PDZD2: variants seen among roughly 807,000 people sequenced by gnomAD.
PDZD2 encodes the protein PDZ domain containing 2.
In PDZD2, 90 loss-of-function variants were observed where a neutral mutation model predicts 220.7. The ratio of observed to expected loss-of-function variants is 0.41; its 90% confidence interval spans 0.34 to 0.49. The LOEUF is 0.49. Among genes scored for constraint, PDZD2 ranks in the 20% least tolerant of loss-of-function variants. The pLI is 0.28. For missense variants in PDZD2, 3,174 were observed against 3,608.5 expected, an observed-to-expected ratio of 0.88 and a Z score of 3.08; for synonymous variants, 1,375 against 1,450.5, an observed-to-expected ratio of 0.95 and a Z score of 1.18.
At chr5:31,769,598 T>A (rs9292441) in intron 1 of PDZD2, among the ~76,000 whole-genome samples, 49,141 of 152,090 alleles carry the variant, frequency 0.32, 9,401 homozygotes, top group African/African-American at 0.54. Context: ...GCTTTTATTT[T>A]TAAATTGTTT....
chr5:31,783,083 T>A (rs956370036), intron 1 of PDZD2, among the ~76,000 whole-genome samples: 4 of 152,166 alleles, frequency 2.6e-5, no homozygotes, highest in Non-Finnish European at 5.9e-5. Context: ...TTATTTTAGA[T>A]GAAGTTGGTT....
chr5:31,696,578 C>T (rs75063985), intron 1 of PDZD2, among the ~76,000 whole-genome samples: 4,293 of 152,184 alleles, frequency 0.028, 219 homozygotes, highest in African/African-American at 0.099. Flanking sequence ...GTTGGGATTA[C>T]GGTGTGAGCC....
intron 1 of PDZD2, among the ~76,000 whole-genome samples, chr5:31,752,394 C>G (rs1206373837): frequency 6.6e-6 from 1 of 151,820 alleles, no homozygotes. Flanking sequence ...ACTAAAAATA[C>G]AAAAATTAGC....
In PDZD2 at chr5:31,813,702, G is replaced by A. The variant is rs1443743155; in HGVS notation, c.476+13978G>A. 2.0e-5 allele frequency among the ~76,000 whole-genome samples: 3 copies of A among 152,166 alleles called. No individual in the cohort carries two copies. In the East Asian group the frequency reaches 5.8e-4, roughly 29 times the overall value. On this transcript the variant is annotated intron_variant, in intron 2 of 24. Transcript: ENST00000438447. ...AAAATAATACATGGAAAACAATATA[G>A]CTGCAAAATAAAACGCACGGTTTTG...
intron 2 of PDZD2, among the ~76,000 whole-genome samples, chr5:31,863,724 T>G (rs182108066): frequency 2.6e-5 from 4 of 152,210 alleles, no homozygotes; most frequent in Non-Finnish European, 5.9e-5. Flanking sequence ...CCTCTGTAAG[T>G]ATACCATTCC....
intron 2 of PDZD2, chr5:31,936,255 G>A (rs888503442): frequency 1.0e-6 from 1 of 987,576 alleles, no homozygotes; most frequent in African/African-American, 1.7e-5. Flanking sequence ...ATGGAGAAGG[G>A]AAGTGAAGCA....
At chr5:31,684,216 G>A (rs1746760349) in intron 1 of PDZD2, among the ~76,000 whole-genome samples, 1 of 152,190 alleles carries the variant, frequency 6.6e-6, no homozygotes, top group Non-Finnish European at 1.5e-5. Flanking sequence ...TGTCTGATAG[G>A]TGTCTCAAGT....
At chr5:31,796,926 GTTTTTTTGTTTT>G (rs1471464986) in intron 1 of PDZD2, among the ~76,000 whole-genome samples, 1 of 138,582 alleles carries the variant, frequency 7.2e-6, no homozygotes, top group East Asian at 2.0e-4. Context: ...TTTGTTTTTT[GTTTTTTTGTTTT>G]TTTTTTTGAG....
intron 3 of PDZD2, among the ~76,000 whole-genome samples, chr5:31,984,857 T>C (rs1310079510): frequency 6.6e-6 from 1 of 152,076 alleles, no homozygotes; most frequent in Non-Finnish European, 1.5e-5. Context: ...CAAGTTGAGT[T>C]TTGTCTGCTG....
At chr5:31,761,639 T>A (rs1447887894) in intron 1 of PDZD2, among the ~76,000 whole-genome samples, 1 of 151,950 alleles carries the variant, frequency 6.6e-6, no homozygotes, top group East Asian at 1.9e-4. Flanking sequence ...GGTGGGCGGA[T>A]CACCTGAGAT....
intron 2 of PDZD2, among the ~76,000 whole-genome samples, chr5:31,964,574 A>C (rs1561206366): frequency 6.6e-6 from 1 of 152,074 alleles, no homozygotes; most frequent in Non-Finnish European, 1.5e-5. Context: ...CTTCCCAAAT[A>C]TGCCTCCACC....
intron 2 of PDZD2, among the ~76,000 whole-genome samples, chr5:31,890,135 A>ATTTTTTTTTTT (rs59916833): frequency 2.0e-5 from 2 of 98,244 alleles, no homozygotes; most frequent in African/African-American, 3.9e-5. Flanking sequence ...CTTTTTTGTG[A>ATTTTTTTTTTT]TTTTTTTTTT....
At chr5:31,889,183 T>C (rs1171269039) in intron 2 of PDZD2, among the ~76,000 whole-genome samples, 2 of 152,206 alleles carry the variant, frequency 1.3e-5, no homozygotes, top group African/African-American at 4.8e-5. Context: ...AAATCTGAAG[T>C]GTCACGCTGA....
intron 2 of PDZD2, chr5:31,832,439 G>A (rs189643043): frequency 6.6e-6 from 1 of 152,166 alleles, no homozygotes; most frequent in African/African-American, 2.4e-5. Context: ...ATTAAAAAGG[G>A]TGCTTGCTTT....
chr5:31,777,099 G>A (rs950379142), intron 1 of PDZD2, among the ~76,000 whole-genome samples: 2 of 152,210 alleles, frequency 1.3e-5, no homozygotes, highest in African/African-American at 4.8e-5. Flanking sequence ...TGGGAGGTGT[G>A]GAGGGAGAGG....
At chr5:31,704,107 G>A (rs1747719286) in intron 1 of PDZD2, among the ~76,000 whole-genome samples, 1 of 151,958 alleles carries the variant, frequency 6.6e-6, no homozygotes, top group South Asian at 2.1e-4. Flanking sequence ...CAACCTTCCA[G>A]GCTCAAGCAG....
intron 2 of PDZD2, among the ~76,000 whole-genome samples, chr5:31,814,833 GA>G (rs1755330952): frequency 6.6e-6 from 1 of 151,454 alleles, no homozygotes; most frequent in East Asian, 2.0e-4. Context: ...AAGAAAGAAG[GA>G]AAGAAAAAAA....
Position 31,646,558 on chromosome 5 carries a change from T to C in PDZD2, c.-361+7121T>C, listed in dbSNP as rs79321805. Among the ~76,000 whole-genome samples the C allele has an allele frequency of 0.052, 7,872 of 152,270 alleles. 390 individuals are homozygous for C. The highest frequency in any genetic ancestry group is 0.13 in the African/African-American group (5,319 of 41,522). The stretch of plus-strand genomic sequence containing the variant: ...TTGTGTGTTGGCCAATGGACACTTA[T>C]AAAATGTCTGATTTCAGCTGTGTTT... On this transcript the variant is annotated intron_variant, in intron 1 of 24. Coordinates refer to ENST00000438447, the MANE Select transcript of PDZD2 (RefSeq NM_178140.4). This position sits in a 1 kb window ranked among gnomAD's most constrained non-coding sequence, Gnocchi z 4.7.
At position 32,057,677 on chromosome 5, in the gene PDZD2, T is replaced by C. The variant is rs554552886; in HGVS notation, c.1923T>C (p.Asn641=). Residue 641 remains asparagine (N), a synonymous_variant, in exon 11 of 25, where the codon AAT becomes AAC. Transcript: ENST00000438447. ...LKEGDEILDV[N]GIPIKGLTFQ... ...TAGGGGATGAAATCCTAGATGTAAA[T>C]GGAATACCAATAAAGGGCTTGACAT... The C allele has an allele frequency of 4.4e-6, 7 of 1,589,214 alleles. No homozygotes were observed. Among genetic ancestry groups the C allele is most frequent in the South Asian group, 1.1e-5 (1 of 89,086 alleles).
Sources: allele counts gnomAD v4.1 joint callset (sites outside exome capture counted in the v4.1 genomes callset), GRCh38; gene constraint gnomAD v4.1.1; non-coding constraint Gnocchi (gnomAD v3.1); transcripts MANE v1.5; gene names NCBI Gene and HGNC (gene_info 2026-07-23, HGNC 2026-07-21).